The following SGMS1 variants were observed in gnomAD, a reference collection of about 807,000 sequenced individuals.
SGMS1 encodes the protein phosphatidylcholine:ceramide cholinephosphotransferase 1.
Under a neutral mutation model 46.2 loss-of-function variants are expected in SGMS1, and 13 were observed. The ratio of observed to expected loss-of-function variants is 0.28; its 90% confidence interval spans 0.18 to 0.45. SGMS1 has a LOEUF of 0.45. SGMS1 is among the 20% of genes least tolerant of loss of function. The pLI is 1.00. For synonymous variants in SGMS1, 203 were observed against 187.8 expected (o/e 1.08, Z -0.66); for missense variants, 324 against 519.9 (o/e 0.62, Z 3.66).
chr10:50,486,931 G>T (rs1374812169), intron 3 of SGMS1, among the ~76,000 whole-genome samples: 1 of 152,172 alleles, frequency 6.6e-6, no homozygotes, highest in African/African-American at 2.4e-5. Flanking sequence ...ATGATGACTG[G>T]ATAAAGAAAA....
chr10:50,550,717 T>G (rs1272846258), intron 2 of SGMS1, among the ~76,000 whole-genome samples: 2 of 152,170 alleles, frequency 1.3e-5, no homozygotes, highest in Non-Finnish European at 2.9e-5. Flanking sequence ...CTTAAACCCT[T>G]GAACTCCTTG....
chr10:50,520,161 G>A (rs142832514), intron 2 of SGMS1, among the ~76,000 whole-genome samples: 1,713 of 152,242 alleles, frequency 0.011, 28 homozygotes, highest in African/African-American at 0.039. Context: ...AGGCTGAGGT[G>A]GGAGGATCAC....
At chr10:50,576,372 G>A (rs1322558861) in intron 2 of SGMS1, among the ~76,000 whole-genome samples, 2 of 152,124 alleles carry the variant, frequency 1.3e-5, no homozygotes, top group Admixed American at 1.3e-4. Flanking sequence ...GCCCCTGATC[G>A]AGTACACTCA....
intron 3 of SGMS1, among the ~76,000 whole-genome samples, chr10:50,480,637 T>C (rs1368277552): frequency 1.3e-5 from 2 of 151,946 alleles, no homozygotes; most frequent in South Asian, 2.1e-4. Context: ...ACCGTGGATC[T>C]GGAGATACCC....
Position 50,456,390 on chromosome 10 carries a change from C to T in SGMS1, c.-313+4283G>A, listed in dbSNP as rs369070080. Among the ~76,000 whole-genome samples the T allele has an allele frequency of 4.6e-4, 70 of 152,188 alleles. 4 individuals carry two copies. In the South Asian group the frequency reaches 0.014, roughly 29 times the overall value. ...TCCCAAGGGAAATAAGGAACCATGT[C>T]TGAAAAGTAATGGTTTGGTGAGGAT... On this transcript the variant is annotated intron_variant, in intron 5 of 10. Transcript: ENST00000361781.
intron 2 of SGMS1, among the ~76,000 whole-genome samples, chr10:50,585,001 A>G (rs139401276): frequency 6.6e-6 from 1 of 152,354 alleles, no homozygotes; most frequent in Non-Finnish European, 1.5e-5. Context: ...CCCATAATAT[A>G]TATACAAGCA....
At chr10:50,553,591 G>A (rs751580529) in intron 2 of SGMS1, among the ~76,000 whole-genome samples, 6 of 152,040 alleles carry the variant, frequency 3.9e-5, no homozygotes, top group Non-Finnish European at 7.4e-5. Context: ...CCAATTTCTA[G>A]CTTGGGGCAT....
intron 2 of SGMS1, among the ~76,000 whole-genome samples, chr10:50,551,458 G>T (rs1473711407): frequency 1.3e-5 from 2 of 150,324 alleles, no homozygotes; most frequent in Admixed American, 1.3e-4. Flanking sequence ...GTGGAATACT[G>T]AATGGGATCA....
chr10:50,320,624 C>A (rs566333301), intron 8 of SGMS1, among the ~76,000 whole-genome samples: 84 of 152,206 alleles, frequency 5.5e-4, no homozygotes, highest in Non-Finnish European at 1.0e-3. Flanking sequence ...CCTTTAAAAT[C>A]TTCCCACAAG....
intron 1 of SGMS1, among the ~76,000 whole-genome samples, chr10:50,591,378 A>G (rs2131893063): frequency 6.6e-6 from 1 of 152,168 alleles, no homozygotes; most frequent in East Asian, 1.9e-4. Context: ...CTTAAAACCA[A>G]CCCCACAGCC....
chr10:50,580,128 A>G (rs1838419671), intron 2 of SGMS1, among the ~76,000 whole-genome samples: 1 of 152,116 alleles, frequency 6.6e-6, no homozygotes, highest in African/African-American at 2.4e-5. Flanking sequence ...ATACTATATT[A>G]CCCAGCACAT....
intron 2 of SGMS1, among the ~76,000 whole-genome samples, chr10:50,581,707 T>C (rs1463347125): frequency 1.3e-5 from 2 of 152,190 alleles, no homozygotes; most frequent in African/African-American, 4.8e-5. Flanking sequence ...AAGTAGCTAA[T>C]CCCTTTACTC....
intron 2 of SGMS1, among the ~76,000 whole-genome samples, chr10:50,526,803 A>G (rs1837905594): frequency 6.6e-6 from 1 of 152,098 alleles, no homozygotes; most frequent in Non-Finnish European, 1.5e-5. Context: ...ACGGTGGCTC[A>G]CGCCTGTAAT....
intron 3 of SGMS1, among the ~76,000 whole-genome samples, chr10:50,476,097 CAAAAAAA>C (rs58641986): frequency 0.051 from 2,208 of 43,308 alleles, 39 homozygotes; most frequent in East Asian, 0.15. Context: ...ACTAAAAATA[CAAAAAAA>C]AAAAAAAAAA....
At chr10:50,461,833 C>T (rs1293010601) in intron 4 of SGMS1, among the ~76,000 whole-genome samples, 1 of 152,152 alleles carries the variant, frequency 6.6e-6, no homozygotes, top group Admixed American at 6.5e-5. Flanking sequence ...TACTTAGGAC[C>T]AGGCATCCCT....
chr10:50,331,295 T>A (rs566004788), intron 7 of SGMS1, among the ~76,000 whole-genome samples: 1 of 152,274 alleles, frequency 6.6e-6, no homozygotes, highest in African/African-American at 2.4e-5. Context: ...ATTTTACAGA[T>A]GGGAAAAGTG....
intron 2 of SGMS1, among the ~76,000 whole-genome samples, chr10:50,544,533 C>T (rs1838083646): frequency 6.6e-6 from 1 of 152,206 alleles, no homozygotes; most frequent in Non-Finnish European, 1.5e-5. Flanking sequence ...TCACATTCTA[C>T]TTTTTCCTTA....
chr10:50,533,034 C>T (rs375398947), intron 2 of SGMS1, among the ~76,000 whole-genome samples: 15 of 151,942 alleles, frequency 9.9e-5, no homozygotes, highest in South Asian at 2.1e-4. Context: ...AGACAGGTAC[C>T]GCATAAATCC....
intron 1 of SGMS1, among the ~76,000 whole-genome samples, chr10:50,606,849 A>G (rs1414334806): frequency 6.6e-6 from 1 of 152,166 alleles, no homozygotes; most frequent in East Asian, 1.9e-4. Context: ...AACATTCCAG[A>G]TGTATCCTAG....
Sources: gnomAD v4.1 joint callset for allele counts (sites outside exome capture counted in the v4.1 genomes callset) on GRCh38, gnomAD v4.1.1 for gene constraint, MANE v1.5 for transcripts, NCBI Gene and HGNC (gene_info 2026-07-23, HGNC 2026-07-21) for gene names.